Variants in STARD13 observed in about 807,000 individuals in gnomAD.
STARD13 encodes the protein stAR-related lipid transfer protein 13.
A neutral mutation model predicts 106.4 loss-of-function variants in STARD13; 62 were observed. That is an observed-to-expected ratio of 0.58 (90% confidence interval 0.48 to 0.72). The LOEUF (loss-of-function observed/expected upper bound fraction) is 0.72, where lower values mean the gene tolerates loss of function less well. STARD13 is among the 30% of genes least tolerant of loss of function. The pLI, the probability that STARD13 is intolerant of heterozygous loss-of-function variation, is 0.00. For synonymous variants in STARD13, 565 were observed against 553.0 expected (o/e 1.02, Z -0.31); for missense variants, 1,387 against 1,424.0 (o/e 0.97, Z 0.42).
the STARD13 span, among the ~76,000 whole-genome samples, chr13:33,368,118 G>T: frequency 2.2e-4 from 34 of 151,928 alleles, no homozygotes; most frequent in Non-Finnish European, 4.9e-4. Context: ...TTATCTCAGG[G>T]GAGTAAACCC....
At chr13:33,429,982 A>G in the STARD13 span, among the ~76,000 whole-genome samples, 1 of 149,832 alleles carries the variant, frequency 6.7e-6, no homozygotes, top group Admixed American at 6.6e-5. Flanking sequence ...CAGTGGCGCG[A>G]TCTCGGCTCA....
the STARD13 span, among the ~76,000 whole-genome samples, chr13:33,613,318 G>A: frequency 6.6e-5 from 10 of 152,194 alleles, no homozygotes; most frequent in Non-Finnish European, 1.0e-4. Context: ...AGTGACACCC[G>A]AAACTCTGCT....
the STARD13 span, among the ~76,000 whole-genome samples, chr13:33,410,887 G>T: frequency 0.073 from 11,158 of 152,264 alleles, 557 homozygotes; most frequent in South Asian, 0.22. Context: ...CTAGTCATCA[G>T]CCAAAGGAAG....
At chr13:33,252,072 A>G (rs1169717724) in intron 1 of STARD13, among the ~76,000 whole-genome samples, 2 of 152,234 alleles carry the variant, frequency 1.3e-5, no homozygotes, top group African/African-American at 4.8e-5. Context: ...TACTACATTA[A>G]ATATTTCCTA....
chr13:33,117,394 A>G (rs1875550041), intron 8 of STARD13, among the ~76,000 whole-genome samples: 1 of 152,236 alleles, frequency 6.6e-6, no homozygotes, highest in Admixed American at 6.5e-5. Context: ...TACAGGCGTG[A>G]GCCACCATGC....
the STARD13 span, among the ~76,000 whole-genome samples, chr13:33,551,057 A>C: frequency 6.6e-6 from 1 of 152,210 alleles, no homozygotes; most frequent in Non-Finnish European, 1.5e-5. Flanking sequence ...CATTTTCCAC[A>C]ATACCTTTAT....
At chr13:33,455,356 T>C in the STARD13 span, among the ~76,000 whole-genome samples, 3 of 152,176 alleles carry the variant, frequency 2.0e-5, no homozygotes, top group Non-Finnish European at 2.9e-5. Flanking sequence ...CCCTTATGTA[T>C]AGTTCTCTAA....
chr13:33,251,158 C>T (rs988069271), intron 1 of STARD13, among the ~76,000 whole-genome samples: 3 of 152,138 alleles, frequency 2.0e-5, no homozygotes, highest in South Asian at 2.1e-4. Context: ...AATATCATCA[C>T]ATCAACCTCA....
At chr13:33,456,951 A>G in the STARD13 span, among the ~76,000 whole-genome samples, 1 of 152,250 alleles carries the variant, frequency 6.6e-6, no homozygotes, top group Admixed American at 6.5e-5. Flanking sequence ...TAAAACATTT[A>G]CTATCTGGCT....
the STARD13 span, among the ~76,000 whole-genome samples, chr13:33,405,247 T>G: frequency 6.6e-6 from 1 of 152,382 alleles, no homozygotes; most frequent in South Asian, 2.1e-4. Context: ...GAAAGCAGGC[T>G]GAGAACCTGA....
chr13:33,407,040 A>G, the STARD13 span, among the ~76,000 whole-genome samples: 2 of 152,232 alleles, frequency 1.3e-5, no homozygotes, highest in Non-Finnish European at 2.9e-5. Context: ...GAGCGGAGGT[A>G]ATGATGTACT....
intron 1 of STARD13, among the ~76,000 whole-genome samples, chr13:33,172,788 A>G (rs2138402299): frequency 6.6e-6 from 1 of 152,340 alleles, no homozygotes. Context: ...ATTATCAGAC[A>G]TGTAGCTGGC....
At chr13:33,123,055 CAA>C (rs71071079) in intron 7 of STARD13, among the ~76,000 whole-genome samples, 12 of 45,852 alleles carry the variant, frequency 2.6e-4, no homozygotes, top group South Asian at 1.7e-3. Context: ...GACTCCATCT[CAA>C]AAAAAAAAAA....
At chr13:33,592,197 G>C in the STARD13 span, among the ~76,000 whole-genome samples, 323 of 152,330 alleles carry the variant, frequency 2.1e-3, 1 homozygote, top group African/African-American at 7.4e-3. Flanking sequence ...ATTGAGTCCA[G>C]TGGATCGATT....
the STARD13 span, among the ~76,000 whole-genome samples, chr13:33,395,308 A>T: frequency 1.3e-5 from 2 of 152,330 alleles, no homozygotes; most frequent in Middle Eastern, 3.4e-3. Context: ...CTATGGTAAA[A>T]TGGGCTCAGA....
the STARD13 span, among the ~76,000 whole-genome samples, chr13:33,597,243 A>G: frequency 6.6e-6 from 1 of 152,198 alleles, no homozygotes; most frequent in Non-Finnish European, 1.5e-5. Flanking sequence ...CTGGGGCAAG[A>G]TGCTATCTTG....
chr13:33,253,682 G>A (rs979105106), intron 1 of STARD13, among the ~76,000 whole-genome samples: 1 of 152,142 alleles, frequency 6.6e-6, no homozygotes, highest in African/African-American at 2.4e-5. Flanking sequence ...TGCTTCATGT[G>A]GCCCCCGAGA....
chr13:33,137,262 AT>A (rs1879178535), intron 4 of STARD13, among the ~76,000 whole-genome samples: 1 of 152,240 alleles, frequency 6.6e-6, no homozygotes, highest in African/African-American at 2.4e-5. Context: ...ACTGTTCTAG[AT>A]TGAGCAAAGG....
the STARD13 span, among the ~76,000 whole-genome samples, chr13:33,573,906 A>G: frequency 6.6e-6 from 1 of 152,156 alleles, no homozygotes; most frequent in Admixed American, 6.6e-5. Context: ...AACATGAACA[A>G]AAGTTTTACA....
Sources: allele counts gnomAD v4.1 joint callset (sites outside exome capture counted in the v4.1 genomes callset), GRCh38; gene constraint gnomAD v4.1.1; transcripts MANE v1.5; gene names NCBI Gene and HGNC (gene_info 2026-07-23, HGNC 2026-07-21).